The following SNX29 variants were observed in gnomAD, a reference collection of about 807,000 sequenced individuals.
SNX29 encodes sorting nexin 29.
A neutral mutation model predicts 102.1 loss-of-function variants in SNX29; 78 were observed. The ratio of observed to expected loss-of-function variants is 0.76; its 90% CI spans 0.64 to 0.92. The LOEUF (loss-of-function observed/expected upper bound fraction) is 0.92. SNX29 is among the 40% of genes least tolerant of loss of function. SNX29 has a pLI of 0.00. For missense variants in SNX29, 1,280 were observed against 1,061.7 expected (o/e 1.21, Z -2.86); for synonymous variants, 580 against 414.5 (o/e 1.40, Z -4.85).
At chr16:12,479,279 T>G (rs1421717522) in intron 19 of SNX29, among the ~76,000 whole-genome samples, 1 of 152,242 alleles carries the variant, frequency 6.6e-6, no homozygotes, top group Non-Finnish European at 1.5e-5. Flanking sequence ...ATCCCTAGTT[T>G]CTGTCTTCAG....
At chr16:12,407,996 A>G (rs916705009) in intron 18 of SNX29, among the ~76,000 whole-genome samples, 4 of 152,048 alleles carry the variant, frequency 2.6e-5, no homozygotes, top group Non-Finnish European at 5.9e-5. Flanking sequence ...GTCTCTCCAA[A>G]AGAATGTAAA....
intron 18 of SNX29, among the ~76,000 whole-genome samples, chr16:12,460,252 T>G (rs914164839): frequency 6.6e-6 from 1 of 152,206 alleles, no homozygotes; most frequent in Non-Finnish European, 1.5e-5. Flanking sequence ...GCTGAAACTT[T>G]CCTTCAGAGG....
At chr16:12,051,624 C>T (rs1446356692) in intron 7 of SNX29, among the ~76,000 whole-genome samples, 1 of 152,224 alleles carries the variant, frequency 6.6e-6, no homozygotes, top group Admixed American at 6.5e-5. Flanking sequence ...TCAAGATGTG[C>T]TCTGTGGTGT....
chr16:12,267,112 C>G (rs1353961148), intron 14 of SNX29, among the ~76,000 whole-genome samples: 1 of 152,150 alleles, frequency 6.6e-6, no homozygotes, highest in African/African-American at 2.4e-5. Context: ...ACTGGAACCC[C>G]TTGCTTTTTA....
chr16:12,219,446 T>C (rs555439379), intron 14 of SNX29, among the ~76,000 whole-genome samples: 1 of 152,334 alleles, frequency 6.6e-6, no homozygotes, highest in South Asian at 2.1e-4. Flanking sequence ...TGTCCTGTTC[T>C]ACTCTGTTTT....
intron 20 of SNX29, chr16:12,545,469 A>T (rs1292516612): frequency 6.6e-6 from 1 of 152,178 alleles, no homozygotes; most frequent in Admixed American, 6.5e-5. Context: ...ATAGGATGCC[A>T]GTGACTCTCC....
intron 15 of SNX29, among the ~76,000 whole-genome samples, chr16:12,323,518 A>T (rs972134888): frequency 1.7e-3 from 54 of 31,210 alleles, no homozygotes; most frequent in Admixed American, 3.7e-3. Flanking sequence ...TAGAGGTTTT[A>T]AAAAAAAAAA....
intron 1 of SNX29, among the ~76,000 whole-genome samples, chr16:11,992,812 T>A (rs576867325): frequency 5.9e-5 from 9 of 152,288 alleles, no homozygotes; most frequent in African/African-American, 2.2e-4. Flanking sequence ...CAGGGAAATG[T>A]CTAGCATGAC....
chr16:12,311,473 T>C, intron 15 of SNX29, among the ~76,000 whole-genome samples: 1 of 152,232 alleles, frequency 6.6e-6, no homozygotes, highest in Admixed American at 6.5e-5. Flanking sequence ...CTCTGCTGGC[T>C]GGACTGCACC....
intron 3 of SNX29, among the ~76,000 whole-genome samples, chr16:12,003,383 A>G (rs2056355201): frequency 6.6e-6 from 1 of 152,238 alleles, no homozygotes; most frequent in African/African-American, 2.4e-5. Context: ...GATTTGGGAA[A>G]TGGTTAATAA....
intron 3 of SNX29, among the ~76,000 whole-genome samples, chr16:12,009,585 G>A (rs1596581483): frequency 6.6e-6 from 1 of 152,014 alleles, no homozygotes; most frequent in East Asian, 1.9e-4. Context: ...AAATGCAGGC[G>A]AGACTTGTTT....
chr16:12,116,124 C>A (rs949647244), intron 11 of SNX29, among the ~76,000 whole-genome samples: 4 of 152,194 alleles, frequency 2.6e-5, no homozygotes, highest in African/African-American at 4.8e-5. Context: ...ACTCTCTCTC[C>A]TAATTGTGGG....
At chr16:12,250,001 C>T (rs1422720335) in intron 14 of SNX29, among the ~76,000 whole-genome samples, 1 of 152,200 alleles carries the variant, frequency 6.6e-6, no homozygotes, top group Admixed American at 6.5e-5. Flanking sequence ...GGAGCAATCT[C>T]AATGAAGTGT....
chr16:12,154,442 T>G (rs1407142629), intron 13 of SNX29, among the ~76,000 whole-genome samples: 3 of 152,296 alleles, frequency 2.0e-5, no homozygotes, highest in Admixed American at 2.0e-4. Context: ...CTTTTCTACC[T>G]GTCACAGCAC....
chr16:12,209,817 G>T (rs1246630153), intron 14 of SNX29, among the ~76,000 whole-genome samples: 1 of 152,188 alleles, frequency 6.6e-6, no homozygotes, highest in Non-Finnish European at 1.5e-5. Flanking sequence ...TCCTTAACAA[G>T]GTGGCATGAC....
intron 15 of SNX29, among the ~76,000 whole-genome samples, chr16:12,338,008 G>A (rs866468005): frequency 6.6e-6 from 1 of 152,142 alleles, no homozygotes; most frequent in Admixed American, 6.5e-5. Flanking sequence ...TCTTCACAGC[G>A]ACTGCCAGAG....
At chr16:12,476,074 A>T (rs576044073) in intron 18 of SNX29, among the ~76,000 whole-genome samples, 3 of 151,954 alleles carry the variant, frequency 2.0e-5, no homozygotes, top group Admixed American at 6.6e-5. Flanking sequence ...TAATCCCAGT[A>T]CTTTGTGAGG....
At chr16:12,366,020 C>T (rs143449111) in intron 16 of SNX29, among the ~76,000 whole-genome samples, 7,802 of 116,408 alleles carry the variant, frequency 0.067, 442 homozygotes, top group African/African-American at 0.15. Flanking sequence ...CCAGCCTGGG[C>T]GTCAGAGTGA....
At chr16:12,213,124 A>G (rs923705841) in intron 14 of SNX29, among the ~76,000 whole-genome samples, 1 of 152,186 alleles carries the variant, frequency 6.6e-6, no homozygotes, top group African/African-American at 2.4e-5. Context: ...AAAAAAAGAA[A>G]AACACAAACA....
Sources: allele counts gnomAD v4.1 joint callset (sites outside exome capture counted in the v4.1 genomes callset), GRCh38; gene constraint gnomAD v4.1.1; transcripts MANE v1.5; gene names NCBI Gene and HGNC (gene_info 2026-07-23, HGNC 2026-07-21).